Variants in DSG3 observed in about 807,000 individuals in gnomAD.
DSG3 encodes desmoglein 3.
In DSG3, 63 loss-of-function variants were observed where a neutral mutation model predicts 85.9. The ratio of observed to expected loss-of-function variants is 0.73; its 90% CI spans 0.60 to 0.90. The LOEUF is 0.90. DSG3 is among the 40% of genes least tolerant of loss of function. The probability of loss-of-function intolerance (pLI) is 0.00; values close to 1 mark genes in which losing one functional copy is unlikely to be tolerated. For missense variants in DSG3, 1,220 were observed against 1,219.9 expected, an observed-to-expected ratio of 1.00 and a Z score of 0.00; for synonymous variants, 447 against 441.9, an observed-to-expected ratio of 1.01 and a Z score of -0.14.
At position 31,474,327 on chromosome 18, in the gene DSG3, C is replaced by A. The variant is rs199507618; in HGVS notation, c.2308C>A (p.His770Asn). The change falls in exon 15 of 16, where the codon CAT (histidine) becomes AAT (asparagine). Residue 770 changes from histidine (H) to asparagine (N), a missense_variant. By Grantham distance (68) the His-to-Asn change is moderately conservative. Coordinates refer to ENST00000257189, the MANE Select transcript of DSG3 (RefSeq NM_001944.3). The stretch of plus-strand genomic sequence containing the variant: ...GCAGTCTGGAACCATGAGAACAAGG[C>A]ATTCCACTGGAGGAACCAATAAGGA... ...SGQSGTMRTRHSTGGTNKDYA... is the reference protein window; with the variant it reads ...SGQSGTMRTRNSTGGTNKDYA... 1.5e-5 allele frequency: 24 copies of A among 1,613,472 alleles called. No homozygotes were observed. The highest frequency in any genetic ancestry group is 1.9e-5 in the Non-Finnish European group (23 of 1,180,030).
intron 1 of DSG3, among the ~76,000 whole-genome samples, chr18:31,452,375 T>A (rs1250298153): frequency 6.6e-6 from 1 of 151,776 alleles, no homozygotes; most frequent in Non-Finnish European, 1.5e-5. Context: ...AAAAATTAGC[T>A]GGGCTTGGTG....
intron 11 of DSG3, 76 bp downstream of exon 11, chr18:31,466,830 A>C (rs2072823957): frequency 7.5e-7 from 1 of 1,340,348 alleles, no homozygotes; most frequent in Non-Finnish European, 1.1e-6. Context: ...AAGATCATTT[A>C]AGAGCAGGTC....
At chr18:31,474,072 C>A in intron 14 of DSG3, 49 bp from the exon 15 acceptor site, 2 of 1,559,666 alleles carry the variant, frequency 1.3e-6, no homozygotes, top group Admixed American at 1.8e-5. Context: ...TATAAAAATG[C>A]AACAAACAAC....
chr18:31,476,044 T>C lies in DSG3; in HGVS notation c.2784T>C (p.His928=), dbSNP rs1202305918. ...TTTCCATCCCTGACCCTCTGCAGCA[T>C]GGTAACTATTTAGTAACGGAGACTT... is the stretch of plus-strand genomic sequence containing the variant. ...PAVSIPDPLQ[H]GNYLVTETYS... The change falls in exon 16 of 16, where the codon CAT becomes CAC. Residue 928 remains histidine, a synonymous_variant. Transcript: ENST00000257189. 4 of 1,614,236 alleles carry C rather than the reference T, an allele frequency of 2.5e-6. No homozygotes were observed. Among genetic ancestry groups the C allele is most frequent in the Non-Finnish European group, 3.4e-6 (4 of 1,180,046 alleles).
chr18:31,466,863 T>G, intron 11 of DSG3, 109 bp downstream of exon 11: 1 of 915,558 alleles, frequency 1.1e-6, no homozygotes, highest in Non-Finnish European at 1.7e-6. Flanking sequence ...ACTGGAAAAA[T>G]TCTTTGCAAT....
At chr18:31,458,826 A>C (rs1226695370) in intron 4 of DSG3, among the ~76,000 whole-genome samples, 1 of 152,196 alleles carries the variant, frequency 6.6e-6, no homozygotes, top group Non-Finnish European at 1.5e-5. Flanking sequence ...GTTTGCCATG[A>C]CACAGCATTA....
chr18:31,475,037 C>G (rs193089943), intron 15 of DSG3, among the ~76,000 whole-genome samples: 36 of 151,988 alleles, frequency 2.4e-4, no homozygotes, highest in African/African-American at 8.4e-4. Context: ...ATTAATGACC[C>G]CCAAAAAAGG....
chr18:31,457,463 C>T (rs1286544448), intron 3 of DSG3, among the ~76,000 whole-genome samples: 1 of 152,124 alleles, frequency 6.6e-6, no homozygotes, highest in African/African-American at 2.4e-5. Context: ...ATGGATTGGT[C>T]ATGTATTGAT....
At chr18:31,455,087 C>T (rs1218789815) in intron 1 of DSG3, among the ~76,000 whole-genome samples, 2 of 151,684 alleles carry the variant, frequency 1.3e-5, no homozygotes, top group African/African-American at 4.8e-5. Flanking sequence ...CTACTGCGGT[C>T]GCTATCCTAT....
At position 31,477,522 on chromosome 18, in the gene DSG3, T is replaced by C. The variant is rs1270181444; in HGVS notation, c.*1262T>C. On this transcript the variant is annotated 3_prime_UTR_variant, in exon 16 of 16. Transcript: ENST00000257189. Reference sequence around the variant, plus strand: ...TATTATAAGCAGCATTCCAGAAAAGTAGTTGGTGAAATAATTTTCAAGTCA... The same window carrying C: ...TATTATAAGCAGCATTCCAGAAAAGCAGTTGGTGAAATAATTTTCAAGTCA... 6.6e-6 allele frequency: 1 copy of C among 152,062 alleles called. No homozygotes were observed. Among genetic ancestry groups the C allele is most frequent in the East Asian group, 1.9e-4 (1 of 5,194 alleles). 9.4% of individuals were successfully genotyped at this position (152,062 alleles called of 1,614,324 possible).
rs2072887775 is a variant in DSG3, at chr18:31,476,264, G to A, written c.*4G>A. 2 of 1,596,462 alleles carry A rather than the reference G, an allele frequency of 1.3e-6. No individual in the cohort carries two copies. The highest frequency in any genetic ancestry group is 1.3e-5 in the African/African-American group (1 of 74,512). On this transcript the variant is annotated 3_prime_UTR_variant, in exon 16 of 16. Transcript: ENST00000257189. ...TCCTTGCTCCCGTCTAATATGACCAGAATGAGCTGGAATACCACACTGACC... is the reference window on the plus strand; with the variant it reads ...TCCTTGCTCCCGTCTAATATGACCAAAATGAGCTGGAATACCACACTGACC...
intron 5 of DSG3, 105 bp downstream of exon 5, chr18:31,459,282 C>T (rs2072768870): frequency 8.9e-7 from 1 of 1,125,094 alleles, no homozygotes; most frequent in Admixed American, 3.0e-5. Flanking sequence ...TTAGTTTAAT[C>T]AGTAGTTTTG....
chr18:31,463,767 T>C (rs1568088706), intron 8 of DSG3, among the ~76,000 whole-genome samples: 1 of 152,140 alleles, frequency 6.6e-6, no homozygotes, highest in Non-Finnish European at 1.5e-5. Flanking sequence ...AAACAAACAT[T>C]GTTCCCTGAG....
At chr18:31,452,513 G>T (rs1470928570) in intron 1 of DSG3, among the ~76,000 whole-genome samples, 2 of 82,874 alleles carry the variant, frequency 2.4e-5, no homozygotes, top group African/African-American at 1.1e-4. Flanking sequence ...GCGAGACTCC[G>T]TCTCAAAAAA....
rs1598786945 is a variant in DSG3, at chr18:31,472,555, T to C, written c.2037+132T>C. ...GAGTCAGTGCTGAATAGATGGAGGCTTTTAGGATTTTAGCTCTTCAGATGT... is the reference window on the plus strand; with the variant it reads ...GAGTCAGTGCTGAATAGATGGAGGCCTTTAGGATTTTAGCTCTTCAGATGT... On this transcript the variant is annotated intron_variant, in intron 13 of 15. Coordinates refer to ENST00000257189, the MANE Select transcript of DSG3 (RefSeq NM_001944.3). The C allele has an allele frequency of 5.6e-6, 7 of 1,252,178 alleles. 1 individual carries two copies. In the South Asian group the frequency reaches 1.1e-4, roughly 19 times the overall value. 77.6% of individuals were successfully genotyped at this position (1,252,178 alleles called of 1,614,324 possible).
intron 11 of DSG3, 78 bp downstream of exon 11, chr18:31,466,832 G>T: frequency 1.5e-6 from 2 of 1,314,716 alleles, no homozygotes; most frequent in Non-Finnish European, 2.1e-6. Context: ...GATCATTTAA[G>T]AGCAGGTCCT....
intron 12 of DSG3, 85 bp downstream of exon 12, chr18:31,469,434 G>C: frequency 2.6e-6 from 4 of 1,530,168 alleles, no homozygotes; most frequent in Non-Finnish European, 3.5e-6. Context: ...TCTGTGCAAT[G>C]GGGAAAGAAT....
intron 1 of DSG3, among the ~76,000 whole-genome samples, chr18:31,454,913 C>T (rs1299986259): frequency 6.6e-6 from 1 of 151,452 alleles, no homozygotes; most frequent in Non-Finnish European, 1.5e-5. Context: ...CAAGAGAATC[C>T]CTTGAACCCG....
intron 14 of DSG3, among the ~76,000 whole-genome samples, 154 bp from the exon 15 acceptor site, chr18:31,473,967 C>T (rs2072870652): frequency 6.6e-6 from 1 of 152,166 alleles, no homozygotes; most frequent in Non-Finnish European, 1.5e-5. Flanking sequence ...TCACATAACA[C>T]ATTGTGGGAT....
Sources: gnomAD v4.1 joint callset for allele counts (sites outside exome capture counted in the v4.1 genomes callset) on GRCh38, gnomAD v4.1.1 for gene constraint, MANE v1.5 for transcripts, NCBI Gene and HGNC (gene_info 2026-07-23, HGNC 2026-07-21) for gene names.